The following SH3D19 variants were observed in gnomAD, a reference collection of about 807,000 sequenced individuals.
The protein encoded by SH3D19 is SH3 domain containing 19, also known as SH3 domain-containing protein 19.
A neutral mutation model predicts 112.1 loss-of-function variants in SH3D19; 58 were observed. The ratio of observed to expected loss-of-function variants is 0.52; its 90% confidence interval spans 0.42 to 0.64. The LOEUF (loss-of-function observed/expected upper bound fraction) is 0.64, where lower values mean the gene tolerates loss of function less well. Ranked by LOEUF, SH3D19 falls within the 30% of genes least tolerant of loss-of-function variation. The pLI is 0.00. For missense variants in SH3D19, 1,090 were observed against 1,263.4 expected, an observed-to-expected ratio of 0.86 and a Z score of 2.08; for synonymous variants, 391 against 448.5, an observed-to-expected ratio of 0.87 and a Z score of 1.62.
At chr4:151,138,984 T>C (rs1752454276) in intron 13 of SH3D19, among the ~76,000 whole-genome samples, 2 of 151,766 alleles carry the variant, frequency 1.3e-5, no homozygotes, top group South Asian at 4.2e-4. Flanking sequence ...TGCGTCACCA[T>C]GCCCGGCTAC....
intron 1 of SH3D19, among the ~76,000 whole-genome samples, chr4:151,296,052 G>A (rs1480206895): frequency 6.8e-6 from 1 of 147,430 alleles, no homozygotes; most frequent in Non-Finnish European, 1.5e-5. Flanking sequence ...AAAAAAGAAA[G>A]AAAGAAAGAA....
At chr4:151,158,665 C>T (rs1307539370) in intron 9 of SH3D19, among the ~76,000 whole-genome samples, 1 of 133,178 alleles carries the variant, frequency 7.5e-6, no homozygotes, top group Non-Finnish European at 1.6e-5. Flanking sequence ...CCCAAGAAAC[C>T]ACAAAAGTTG....
chr4:151,318,636 A>T (rs2126401056), intron 1 of SH3D19, among the ~76,000 whole-genome samples: 1 of 152,374 alleles, frequency 6.6e-6, no homozygotes, highest in East Asian at 1.9e-4. Flanking sequence ...AATAAGTGCT[A>T]ATAATTTTAT....
At chr4:151,211,553 C>T (rs192774625) in intron 2 of SH3D19, among the ~76,000 whole-genome samples, 1 of 148,380 alleles carries the variant, frequency 6.7e-6, no homozygotes, top group Non-Finnish European at 1.5e-5. Context: ...CCTCTTCCAC[C>T]ACACATTTAG....
At chr4:151,155,706 T>C (rs1755975980) in intron 9 of SH3D19, among the ~76,000 whole-genome samples, 1 of 152,014 alleles carries the variant, frequency 6.6e-6, no homozygotes, top group African/African-American at 2.4e-5. Context: ...GCCAACATGA[T>C]AAAACCCTGT....
At chr4:151,301,449 A>C (rs1030713089) in intron 1 of SH3D19, among the ~76,000 whole-genome samples, 4 of 151,660 alleles carry the variant, frequency 2.6e-5, no homozygotes, top group African/African-American at 9.7e-5. Context: ...CTCATCACCA[A>C]CTCCCAACCT....
At chr4:151,271,364 A>G (rs1309328728) in intron 1 of SH3D19, among the ~76,000 whole-genome samples, 1 of 152,180 alleles carries the variant, frequency 6.6e-6, no homozygotes, top group East Asian at 1.9e-4. Context: ...AAGCTACAAA[A>G]CTTGCAAATC....
rs559151984 is a variant in SH3D19, at chr4:151,144,428, A to G, written c.2083-378T>C. 12 of 691,434 alleles carry G rather than the reference A, an allele frequency of 1.7e-5. No homozygotes were observed. In the African/African-American group the frequency reaches 2.0e-4, roughly 11 times the overall value. The allele number at this position is 691,434 out of a possible 1,614,324, so 42.8% of individuals were successfully genotyped here. ...AACTCACCTGGCTTCATCGCGCTCT[A>G]GATCAATGGAGCCTGCCATTTCTCA... On this transcript the variant is annotated intron_variant, in intron 11 of 19. Transcript: ENST00000604030.
intron 8 of SH3D19, among the ~76,000 whole-genome samples, chr4:151,160,684 CTTT>C (rs35888994): frequency 6.9e-6 from 1 of 145,458 alleles, no homozygotes; most frequent in Admixed American, 6.9e-5. Context: ...CTTTCTCTCT[CTTT>C]TTTTTTTTTT....
chr4:151,129,369 G>A (rs1750115669), intron 17 of SH3D19, among the ~76,000 whole-genome samples: 1 of 152,042 alleles, frequency 6.6e-6, no homozygotes, highest in Non-Finnish European at 1.5e-5. Context: ...AGAGGATAAT[G>A]AAAAGGCTTT....
At chr4:151,251,189 C>A (rs956059235) in intron 1 of SH3D19, among the ~76,000 whole-genome samples, 21 of 146,248 alleles carry the variant, frequency 1.4e-4, no homozygotes, top group Non-Finnish European at 2.1e-4. Context: ...CTTTCTTTTT[C>A]TTTTTTTCCT....
intron 2 of SH3D19, among the ~76,000 whole-genome samples, chr4:151,213,546 G>A (rs1766322734): frequency 6.6e-6 from 1 of 152,188 alleles, no homozygotes; most frequent in Non-Finnish European, 1.5e-5. Context: ...TTGGGAGGCT[G>A]AGGTGGGAAA....
chr4:151,174,710 C>T lies in SH3D19; in HGVS notation c.1494G>A (p.Gly498=). 1 of 1,514,364 alleles carries T rather than the reference C, an allele frequency of 6.6e-7. No individual in the cohort carries two copies. The highest frequency in any genetic ancestry group is 8.8e-7 in the Non-Finnish European group (1 of 1,133,144). 93.8% of individuals were successfully genotyped at this position (1,514,364 alleles called of 1,614,324 possible). A position where few individuals can be genotyped will look rare whatever the true frequency, so the allele number is the denominator to read the frequency against. Residue 498 remains glycine (G), a synonymous_variant, in exon 7 of 20, where the codon GGG becomes GGA. Coordinates refer to ENST00000604030, the MANE Select transcript of SH3D19 (RefSeq NM_001378122.1). The part of the protein sequence containing the change: ...FDDDVLPTPS[G]NLAEESVGSE... ...AACCAACAGATTCTTCAGCCAGGTT[C>T]CCCGATGGGGTGGGCAAAACATCAT...
chr4:151,226,406 A>C (rs1769007894), intron 1 of SH3D19: 3 of 1,027,664 alleles, frequency 2.9e-6, no homozygotes, highest in South Asian at 4.6e-5. Flanking sequence ...TAAGGAAAGA[A>C]AGCAAGGAAA....
intron 12 of SH3D19, among the ~76,000 whole-genome samples, chr4:151,143,656 G>A (rs769933376): frequency 2.7e-5 from 4 of 150,142 alleles, no homozygotes; most frequent in South Asian, 2.1e-4. Context: ...ACATAATCTC[G>A]CTCTATGGCC....
chr4:151,137,594 A>G (rs1579704971), intron 14 of SH3D19, 138 bp downstream of exon 14: 1 of 647,122 alleles, frequency 1.5e-6, no homozygotes, highest in East Asian at 3.1e-5. Context: ...CCAAATCTTT[A>G]TTTTTGAATT....
intron 1 of SH3D19, among the ~76,000 whole-genome samples, chr4:151,259,853 C>A (rs1772237208): frequency 1.3e-5 from 2 of 152,158 alleles, no homozygotes; most frequent in African/African-American, 2.4e-5. Flanking sequence ...GAAATGACTA[C>A]CTAAAAATAG....
At chr4:151,217,132 T>C (rs1767260749) in intron 2 of SH3D19, among the ~76,000 whole-genome samples, 1 of 152,094 alleles carries the variant, frequency 6.6e-6, no homozygotes, top group Non-Finnish European at 1.5e-5. Context: ...TTTATAGAGG[T>C]ACAGGTATCA....
At chr4:151,226,216 T>C (rs1768968118) in intron 1 of SH3D19, 130 bp from the exon 2 acceptor site, 1 of 1,226,586 alleles carries the variant, frequency 8.2e-7, no homozygotes, top group South Asian at 4.2e-5. Context: ...TCTTCCTAAG[T>C]ATAAGGCTCT....
Sources: allele counts gnomAD v4.1 joint callset (sites outside exome capture counted in the v4.1 genomes callset), GRCh38; gene constraint gnomAD v4.1.1; transcripts MANE v1.5; gene names NCBI Gene and HGNC (gene_info 2026-07-23, HGNC 2026-07-21).